The following WSB2 variants were observed in gnomAD, a reference collection of about 807,000 sequenced individuals.
WSB2 encodes the protein WD repeat and SOCS box-containing protein 2.
Under a neutral mutation model 48.8 loss-of-function variants are expected in WSB2, and 12 were observed. That is an observed-to-expected ratio of 0.25 (90% confidence interval 0.16 to 0.40). The LOEUF (loss-of-function observed/expected upper bound fraction) is 0.40. Ranked by LOEUF, WSB2 falls within the 10% of genes least tolerant of loss-of-function variation. The pLI is 1.00. For synonymous variants in WSB2, 191 were observed against 203.1 expected (o/e 0.94, Z 0.51); for missense variants, 317 against 506.2 (o/e 0.63, Z 3.59).
intron 8 of WSB2, 154 bp downstream of exon 8, chr12:118,034,832 T>C: frequency 1.5e-6 from 1 of 688,518 alleles, no homozygotes. Flanking sequence ...ACACCGTTAT[T>C]AGCAAAATCG....
chr12:118,053,235 C>T (rs60706138), intron 1 of WSB2, among the ~76,000 whole-genome samples: 6 of 152,114 alleles, frequency 3.9e-5, no homozygotes, highest in African/African-American at 1.4e-4. Flanking sequence ...CCCAGCCCAT[C>T]GGTCCAACCT....
chr12:118,056,582 T>C (rs1314810225), intron 1 of WSB2, among the ~76,000 whole-genome samples: 1 of 152,118 alleles, frequency 6.6e-6, no homozygotes, highest in Non-Finnish European at 1.5e-5. Flanking sequence ...TAAATACATA[T>C]GGTATAACTC....
intron 6 of WSB2, 79 bp from the exon 7 acceptor site, chr12:118,035,403 C>A: frequency 7.8e-7 from 1 of 1,279,786 alleles, no homozygotes; most frequent in Non-Finnish European, 1.1e-6. Context: ...AGGCAGGAAG[C>A]CAAACTGCCC....
At chr12:118,043,466 TGGAGG>T in intron 2 of WSB2, 89 bp from the exon 3 acceptor site, 1 of 1,498,790 alleles carries the variant, frequency 6.7e-7, no homozygotes, top group Non-Finnish European at 8.8e-7. Flanking sequence ...TTTTGGGGAG[TGGAGG>T]GAAGGGTCTG....
chr12:118,050,124 G>T (rs1053213154), intron 2 of WSB2, among the ~76,000 whole-genome samples: 1 of 151,890 alleles, frequency 6.6e-6, no homozygotes, highest in African/African-American at 2.4e-5. Context: ...AGTGGAGGTT[G>T]CAGTGAGCCG....
chr12:118,043,140 C>G lies in WSB2; in HGVS notation c.420G>C (p.Val140=), dbSNP rs901839056. Residue 140 remains valine, a synonymous_variant, in exon 3 of 9, where the codon GTG becomes GTC. Coordinates refer to ENST00000315436, the MANE Select transcript of WSB2 (RefSeq NM_018639.5). ...CAGCCAGGAATGACCTACCTGTCTG[C>G]ACCTCCCAGATCTTGATCTGCCCAT... ...LNDGQIKIWE[V]QTGLLLLNLS... 8 of 1,614,224 alleles carry G rather than the reference C, an allele frequency of 5.0e-6. No individual in the cohort carries two copies. In the Admixed American group the frequency reaches 8.3e-5, roughly 17 times the overall value.
chr12:118,060,447 G>A lies in WSB2; in HGVS notation c.13+589C>T, dbSNP rs2032039626. ...CACTGACTTAATCTCCAGTGGGAGA[G>A]GCTGGGAATAGATTGTTTCAATAGG... is the stretch of plus-strand genomic sequence containing the variant. On this transcript the variant is annotated intron_variant, in intron 1 of 8. Coordinates refer to ENST00000315436, the MANE Select transcript of WSB2 (RefSeq NM_018639.5). This position sits in a 1 kb window ranked among gnomAD's most constrained non-coding sequence, Gnocchi z 4.1. 6.6e-6 allele frequency among the ~76,000 whole-genome samples: 1 copy of A among 152,046 alleles called. No homozygotes were observed. The highest frequency in any genetic ancestry group is 2.4e-5 in the African/African-American group (1 of 41,380).
At chr12:118,052,571 C>T in intron 1 of WSB2, 93 bp from the exon 2 acceptor site, 1 of 1,555,236 alleles carries the variant, frequency 6.4e-7, no homozygotes, top group South Asian at 1.2e-5. Flanking sequence ...TGGCAAAGAG[C>T]CACACTATCC....
Position 118,033,213 on chromosome 12 carries a change from C to T in WSB2, c.*983G>A, listed in dbSNP as rs1044662984. The T allele has an allele frequency of 1.3e-5, 2 of 152,176 alleles. No homozygotes were observed. Among genetic ancestry groups the T allele is most frequent in the African/African-American group, 2.4e-5 (1 of 41,418 alleles). The allele number at this position is 152,176 out of a possible 1,614,324, so 9.4% of individuals were successfully genotyped here. A position where few individuals can be genotyped will look rare whatever the true frequency, so the allele number is the denominator to read the frequency against. Reference sequence around the variant, plus strand: ...TACTTTTAAGGAGCTATTTTTGTTTCGCAGTAGAGTTGAAACCAGCTGATT... The same window carrying T: ...TACTTTTAAGGAGCTATTTTTGTTTTGCAGTAGAGTTGAAACCAGCTGATT... On this transcript the variant is annotated 3_prime_UTR_variant, in exon 9 of 9. Coordinates refer to ENST00000315436, the MANE Select transcript of WSB2 (RefSeq NM_018639.5).
chr12:118,044,851 C>A (rs939048882), intron 2 of WSB2, among the ~76,000 whole-genome samples: 1 of 152,028 alleles, frequency 6.6e-6, no homozygotes, highest in Non-Finnish European at 1.5e-5. Context: ...GTTAAACTGG[C>A]GGAAATGGAG....
At chr12:118,057,778 T>G (rs940743015) in intron 1 of WSB2, among the ~76,000 whole-genome samples, 5 of 139,498 alleles carry the variant, frequency 3.6e-5, no homozygotes, top group Admixed American at 1.4e-4. Flanking sequence ...ATATTTGGGT[T>G]TTTTTTTTTT....
At chr12:118,058,374 G>A (rs1403472804) in intron 1 of WSB2, among the ~76,000 whole-genome samples, 2 of 151,844 alleles carry the variant, frequency 1.3e-5, no homozygotes, top group Non-Finnish European at 2.9e-5. Flanking sequence ...TTGAGACAGG[G>A]TCTTGCTCTG....
intron 4 of WSB2, 86 bp downstream of exon 4, chr12:118,042,753 CTG>C: frequency 2.6e-6 from 4 of 1,535,950 alleles, no homozygotes; most frequent in Non-Finnish European, 3.5e-6. Context: ...TCAAGAAACA[CTG>C]TTTTAGATAA....
In WSB2 at chr12:118,052,313, T is replaced by C; in HGVS notation, c.179A>G (p.Gln60Arg). The change falls in exon 2 of 9, where the codon CAG becomes CGG. Residue 60 changes from glutamine to arginine, a missense_variant. This residue lies in a region of WSB2 where 128 missense variants were observed against 156.7 expected (regional missense o/e 0.82). Coordinates refer to ENST00000315436, the MANE Select transcript of WSB2 (RefSeq NM_018639.5). ...VKLIPWPLEE[Q>R]FIPKGFEAKS... Reference sequence around the variant, plus strand: ...GCCCCAGTACGAGAATACTTACAACTGCTCCTCCAACGGCCAGGGGATCAG... The same window carrying C: ...GCCCCAGTACGAGAATACTTACAACCGCTCCTCCAACGGCCAGGGGATCAG... 6.2e-7 allele frequency: 1 copy of C among 1,613,902 alleles called. No homozygotes were observed. The highest frequency in any genetic ancestry group is 1.7e-4 in the Middle Eastern group (1 of 6,056).
At chr12:118,054,970 G>A (rs1258041481) in intron 1 of WSB2, among the ~76,000 whole-genome samples, 2 of 149,142 alleles carry the variant, frequency 1.3e-5, no homozygotes, top group African/African-American at 2.5e-5. Context: ...CTTGAGGCCA[G>A]GAGTTCAAGA....
chr12:118,055,163 A>T (rs2031932565), intron 1 of WSB2, among the ~76,000 whole-genome samples: 1 of 152,186 alleles, frequency 6.6e-6, no homozygotes, highest in African/African-American at 2.4e-5. Flanking sequence ...ACATGTGTAT[A>T]GCTATTTCTA....
At chr12:118,061,243 G>A (rs866149170), upstream of WSB2, 110 of 956,874 alleles carry the variant, frequency 1.1e-4, 1 homozygote, top group East Asian at 2.4e-3. Context: ...GAAACGGAGG[G>A]GGGGTGCGGA....
In WSB2 at chr12:118,060,007, C is replaced by T. The variant is rs976640465; in HGVS notation, c.13+1029G>A. On this transcript the variant is annotated intron_variant, in intron 1 of 8. Transcript: ENST00000315436. This position sits in a 1 kb window ranked among gnomAD's most constrained non-coding sequence, Gnocchi z 4.1. ...AAGCTTGAACTTGGCTGCAAGATTA[C>T]CATGAAGTTCTGGAACAAATTCTGA... Among the ~76,000 whole-genome samples, 2 of 152,188 alleles carry T rather than the reference C, an allele frequency of 1.3e-5. No homozygotes were observed. The highest frequency in any genetic ancestry group is 4.8e-5 in the African/African-American group (2 of 41,444).
At chr12:118,034,644 GA>G in intron 8 of WSB2, 1 of 489,428 alleles carries the variant, frequency 2.0e-6, no homozygotes, top group Non-Finnish European at 3.6e-6. Flanking sequence ...GTATAAGGGG[GA>G]AGAGTGCCAC....
Sources: allele counts gnomAD v4.1 joint callset (sites outside exome capture counted in the v4.1 genomes callset), GRCh38; gene constraint gnomAD v4.1.1; regional missense constraint gnomAD v4.1.1; non-coding constraint Gnocchi (gnomAD v3.1); transcripts MANE v1.5; gene names NCBI Gene and HGNC (gene_info 2026-07-23, HGNC 2026-07-21).